The following PLEKHM3 variants were observed in gnomAD, a reference collection of about 807,000 sequenced individuals.
PLEKHM3 encodes pleckstrin homology domain containing M3, also known as pleckstrin homology domain-containing family M member 3.
Under a neutral mutation model 81.8 loss-of-function variants are expected in PLEKHM3, and 45 were observed. The observed-to-expected ratio is 0.55, with a 90% confidence interval of 0.43 to 0.71. PLEKHM3 has a LOEUF of 0.71. Ranked by LOEUF, PLEKHM3 falls within the 30% of genes least tolerant of loss-of-function variation. PLEKHM3 has a pLI of 0.00. For missense variants in PLEKHM3, 788 were observed against 924.3 expected (o/e 0.85, Z 1.91); for synonymous variants, 352 against 356.4 (o/e 0.99, Z 0.14).
At chr2:207,923,901 ATATATTT>A (rs1254819170) in intron 5 of PLEKHM3, among the ~76,000 whole-genome samples, 78 of 72,526 alleles carry the variant, frequency 1.1e-3, no homozygotes, top group African/African-American at 4.1e-3. Context: ...ATATATATAT[ATATATTT>A]TTTTTTTTTT....
chr2:208,020,129 T>C (rs1037256366), intron 1 of PLEKHM3, among the ~76,000 whole-genome samples: 6 of 152,226 alleles, frequency 3.9e-5, no homozygotes, highest in African/African-American at 1.4e-4. Context: ...AGTGGATATT[T>C]AACAATTTCC....
chr2:207,976,977 A>G lies in PLEKHM3; in HGVS notation c.1220T>C (p.Val407Ala). The G allele has an allele frequency of 6.2e-7, 1 of 1,614,248 alleles. No homozygotes were observed. Among genetic ancestry groups the G allele is most frequent in the Non-Finnish European group, 8.5e-7 (1 of 1,180,032 alleles). ...CATCTGGACAGCCAGACACACGTCC[A>G]CGTTGTAGCTCAACAGTGGATCCTC... ...LDEDPLLSYN[V>A]DVCLAVQMDN... Residue 407 changes from valine (V) to alanine (A), a missense_variant, in exon 3 of 8, where the codon GTG becomes GCG. By Grantham distance (64) the Val-to-Ala change is moderately conservative. Coordinates refer to ENST00000427836, the MANE Select transcript of PLEKHM3 (RefSeq NM_001080475.3). The surrounding 1 kb of genome is among the most constrained non-coding windows in gnomAD (Gnocchi z 4.1).
intron 6 of PLEKHM3, among the ~76,000 whole-genome samples, chr2:207,892,577 C>G (rs1430855447): frequency 6.6e-6 from 1 of 152,186 alleles, no homozygotes; most frequent in East Asian, 1.9e-4. Context: ...TCCCTCTCCA[C>G]CCTTGACAGA....
intron 2 of PLEKHM3, among the ~76,000 whole-genome samples, chr2:207,995,954 T>C (rs1313196583): frequency 1.3e-5 from 2 of 152,178 alleles, no homozygotes; most frequent in African/African-American, 4.8e-5. Context: ...GAAAACGTTA[T>C]AAAATTATCT....
chr2:207,955,000 T>C (rs1204420924), intron 3 of PLEKHM3, among the ~76,000 whole-genome samples: 1 of 152,188 alleles, frequency 6.6e-6, no homozygotes, highest in African/African-American at 2.4e-5. Flanking sequence ...CAATATTTAG[T>C]CAAAATTTAT....
intron 6 of PLEKHM3, among the ~76,000 whole-genome samples, chr2:207,887,427 A>G (rs10932214): frequency 0.02 from 3,022 of 152,320 alleles, 104 homozygotes; most frequent in African/African-American, 0.068. Flanking sequence ...GGATTTTAGG[A>G]TCTTAACTGT....
At chr2:207,916,565 A>T (rs1374428741) in intron 5 of PLEKHM3, among the ~76,000 whole-genome samples, 1 of 151,596 alleles carries the variant, frequency 6.6e-6, no homozygotes, top group African/African-American at 2.4e-5. Context: ...CATGGTTGAA[A>T]CTCCATCTCT....
At chr2:207,988,516 G>A (rs1368201462) in intron 2 of PLEKHM3, among the ~76,000 whole-genome samples, 6 of 152,140 alleles carry the variant, frequency 3.9e-5, no homozygotes, top group African/African-American at 1.4e-4. Flanking sequence ...AGTATCAAAA[G>A]AAGAAACATT....
In PLEKHM3 at chr2:207,929,889, A is replaced by G. The variant is rs532612435; in HGVS notation, c.1886+1037T>C. ...ACTTTCCAAAAGTTCTTAGGCAGGT[A>G]GGCTTACCTCCAAAAACATTTAACA... On this transcript the variant is annotated intron_variant, in intron 5 of 7. Coordinates refer to ENST00000427836, the MANE Select transcript of PLEKHM3 (RefSeq NM_001080475.3). The G allele has an allele frequency of 2.7e-5, 19 of 700,162 alleles. No individual in the cohort carries two copies. In the East Asian group the frequency reaches 3.5e-4, roughly 13 times the overall value. 43.4% of individuals were successfully genotyped at this position (700,162 alleles called of 1,614,324 possible).
intron 3 of PLEKHM3, among the ~76,000 whole-genome samples, chr2:207,948,972 C>T (rs993769981): frequency 3.6e-5 from 5 of 137,822 alleles, no homozygotes; most frequent in African/African-American, 1.3e-4. Flanking sequence ...CCACCATGCC[C>T]GGTCCAGATC....
chr2:207,896,388 C>T (rs1382029454), intron 6 of PLEKHM3, among the ~76,000 whole-genome samples: 1 of 151,920 alleles, frequency 6.6e-6, no homozygotes, highest in Non-Finnish European at 1.5e-5. Flanking sequence ...ACATCTTTAA[C>T]AGAGGTTAAC....
At chr2:208,002,450 T>G (rs771231869) in intron 1 of PLEKHM3, among the ~76,000 whole-genome samples, 4 of 152,178 alleles carry the variant, frequency 2.6e-5, no homozygotes, top group Non-Finnish European at 5.9e-5. Context: ...AATGTGACTG[T>G]GCTTGTGCTT....
intron 6 of PLEKHM3, among the ~76,000 whole-genome samples, chr2:207,895,866 G>C (rs769496911): frequency 6.6e-6 from 1 of 152,218 alleles, no homozygotes; most frequent in Non-Finnish European, 1.5e-5. Context: ...TATTTAACTT[G>C]TTTTAATAAG....
chr2:207,933,933 CCA>C (rs1689668766), intron 4 of PLEKHM3, among the ~76,000 whole-genome samples: 1 of 152,120 alleles, frequency 6.6e-6, no homozygotes, highest in Non-Finnish European at 1.5e-5. Flanking sequence ...TGAGAATCAG[CCA>C]CTAATAATCG....
chr2:207,934,390 C>T (rs1005416325), intron 4 of PLEKHM3, among the ~76,000 whole-genome samples: 4 of 152,160 alleles, frequency 2.6e-5, no homozygotes, highest in African/African-American at 4.8e-5. Flanking sequence ...GATACCACTC[C>T]ATTCACATTA....
At chr2:207,938,255 G>T (rs894978968) in intron 4 of PLEKHM3, among the ~76,000 whole-genome samples, 11 of 152,178 alleles carry the variant, frequency 7.2e-5, no homozygotes, top group African/African-American at 2.7e-4. Context: ...TTAGAAAATG[G>T]CTATAGAAAT....
In PLEKHM3 at chr2:207,918,543, AAAAC is replaced by A. The variant is rs376766099; in HGVS notation, c.1887-9970_1887-9967del. ...TCTCAACAAACAAACAAACAAACAA[AAAAC>A]AAACAAACAAACAAACAAACAAAAA... is the stretch of plus-strand genomic sequence containing the variant. On this transcript the variant is annotated intron_variant, in intron 5 of 7. Transcript: ENST00000427836. Among the ~76,000 whole-genome samples, 209 of 146,558 alleles carry A rather than the reference AAAAC, an allele frequency of 1.4e-3. 1 individual carries two copies. Among genetic ancestry groups the A allele is most frequent in the East Asian group, 7.4e-3 (38 of 5,162 alleles).
At chr2:207,836,597 G>A (rs751303550) in intron 7 of PLEKHM3, among the ~76,000 whole-genome samples, 3 of 152,206 alleles carry the variant, frequency 2.0e-5, no homozygotes, top group Non-Finnish European at 4.4e-5. Flanking sequence ...ATTCCTGGCT[G>A]CAGAGTTTCC....
At position 207,999,773 on chromosome 2, in the gene PLEKHM3, G is replaced by A. The variant is rs145905888; in HGVS notation, c.610+1257C>T. Among the ~76,000 whole-genome samples, 332 of 152,272 alleles carry A rather than the reference G, an allele frequency of 2.2e-3. 2 individuals carry two copies. Among genetic ancestry groups the A allele is most frequent in the Non-Finnish European group, 3.3e-3 (227 of 68,012 alleles). On this transcript the variant is annotated intron_variant, in intron 2 of 7. Coordinates refer to ENST00000427836, the MANE Select transcript of PLEKHM3 (RefSeq NM_001080475.3). The stretch of plus-strand genomic sequence containing the variant: ...AAGATTTGAAAAAGATGAATTTCAG[G>A]AACACTGCATTTGCTTAACAGACAT...
Sources: allele counts gnomAD v4.1 joint callset (sites outside exome capture counted in the v4.1 genomes callset), GRCh38; gene constraint gnomAD v4.1.1; non-coding constraint Gnocchi (gnomAD v3.1); transcripts MANE v1.5; gene names NCBI Gene and HGNC (gene_info 2026-07-23, HGNC 2026-07-21).